The following ACBD5 variants were observed in gnomAD, a reference collection of about 807,000 sequenced individuals.
ACBD5 encodes acyl-CoA binding domain containing 5, also known as acyl-CoA-binding domain-containing protein 5.
Under a neutral mutation model 71.8 loss-of-function variants are expected in ACBD5, and 40 were observed. The observed-to-expected ratio is 0.56, with a 90% CI of 0.43 to 0.72. The LOEUF (loss-of-function observed/expected upper bound fraction) is 0.72, where lower values mean the gene tolerates loss of function less well. Ranked by LOEUF, ACBD5 falls within the 30% of genes least tolerant of loss-of-function variation. ACBD5 has a pLI of 0.00. For missense variants in ACBD5, 559 were observed against 644.5 expected (o/e 0.87, Z 1.44); for synonymous variants, 229 against 218.6 (o/e 1.05, Z -0.42).
At position 27,205,197 on chromosome 10, in the gene ACBD5, C is replaced by A; in HGVS notation, c.1455+1G>T. ...TTTAAATTTTTTAAAAAATGTCTTACCTGTGAGGTGGGCTGAGGAGCAGTC... is the reference window on the plus strand; with the variant it reads ...TTTAAATTTTTTAAAAAATGTCTTAACTGTGAGGTGGGCTGAGGAGCAGTC... On this transcript the variant is annotated splice_donor_variant, in intron 11 of 12. Coordinates refer to ENST00000396271, the MANE Select transcript of ACBD5 (RefSeq NM_145698.5). LOFTEE classifies it high-confidence loss of function. 6.2e-7 allele frequency: 1 copy of A among 1,611,154 alleles called. No individual in the cohort carries two copies. Among genetic ancestry groups the A allele is most frequent in the Non-Finnish European group, 8.5e-7 (1 of 1,178,248 alleles).
At chr10:27,227,541 T>TTTAAC (rs10643341) in intron 4 of ACBD5, among the ~76,000 whole-genome samples, 5,264 of 152,154 alleles carry the variant, frequency 0.035, 230 homozygotes, top group East Asian at 0.11. Context: ...TATCACTCAC[T>TTTAAC]TTAAGAAACT....
chr10:27,198,394 A>G (rs1042836350), intron 12 of ACBD5, among the ~76,000 whole-genome samples: 1 of 152,222 alleles, frequency 6.6e-6, no homozygotes, highest in Non-Finnish European at 1.5e-5. Flanking sequence ...TCTAAAATCT[A>G]CAAACCCTCC....
rs763890462 is a variant in ACBD5, at chr10:27,240,509, A to T, written c.16-25T>A. The T allele has an allele frequency of 1.9e-6, 3 of 1,580,820 alleles. No individual in the cohort carries two copies. The African/African-American group carries it at 4.0e-5, about 21-fold the overall frequency. ...ACTGGAACATGGAGCGCAGCCGCGG[A>T]TCAACATGCCCCAAAAGGAGGAGGC... On this transcript the variant is annotated intron_variant, in intron 1 of 12. Transcript: ENST00000396271. This position sits in a 1 kb window ranked among gnomAD's most constrained non-coding sequence, Gnocchi z 4.1.
chr10:27,185,152 G>C (rs568295032), intron 13 of ACBD5, among the ~76,000 whole-genome samples: 7 of 152,302 alleles, frequency 4.6e-5, no homozygotes, highest in African/African-American at 1.7e-4. Flanking sequence ...AGGGAGAAGG[G>C]GGTGAGCTTC....
At chr10:27,211,797 C>T (rs1317227143) in intron 8 of ACBD5, among the ~76,000 whole-genome samples, 1 of 152,028 alleles carries the variant, frequency 6.6e-6, no homozygotes, top group Non-Finnish European at 1.5e-5. Flanking sequence ...AAAGAACCCA[C>T]CTAAGACATC....
At chr10:27,215,095 C>T (rs555388872) in intron 8 of ACBD5, among the ~76,000 whole-genome samples, 15 of 151,980 alleles carry the variant, frequency 9.9e-5, no homozygotes, top group East Asian at 3.9e-4. Context: ...ACCTAGGAGG[C>T]GGAGGTTGCA....
At chr10:27,211,247 A>T (rs2137073681) in intron 8 of ACBD5, among the ~76,000 whole-genome samples, 166 bp from the exon 9 acceptor site, 1 of 152,224 alleles carries the variant, frequency 6.6e-6, no homozygotes, top group East Asian at 1.9e-4. Context: ...GCTGCTTCCT[A>T]CCTGCAGGGA....
chr10:27,198,543 C>G (rs1187671302), intron 12 of ACBD5, among the ~76,000 whole-genome samples: 1 of 152,212 alleles, frequency 6.6e-6, no homozygotes, highest in Non-Finnish European at 1.5e-5. Context: ...CAGAAATCCT[C>G]TTATGTACAC....
intron 10 of ACBD5, among the ~76,000 whole-genome samples, chr10:27,205,750 G>A (rs994682520): frequency 6.6e-6 from 1 of 151,374 alleles, no homozygotes; most frequent in Admixed American, 6.6e-5. Flanking sequence ...GGCTGGTCTC[G>A]AACTCCCGAC....
chr10:27,190,326 A>ATGT (rs34095551), downstream of ACBD5, among the ~76,000 whole-genome samples: 90,822 of 151,670 alleles, frequency 0.6, 27,450 homozygotes, highest in Non-Finnish European at 0.64. Context: ...CCCCCATTAA[A>ATGT]TGTTAAACAA....
intron 2 of ACBD5, among the ~76,000 whole-genome samples, chr10:27,238,759 C>T (rs1332188598): frequency 6.6e-6 from 1 of 150,822 alleles, no homozygotes; most frequent in East Asian, 1.9e-4. Flanking sequence ...ATATTTGTTA[C>T]CTATAATTAT....
At position 27,195,447 on chromosome 10, in the gene ACBD5, T is replaced by G; in HGVS notation, c.*1983A>C. On this transcript the variant is annotated 3_prime_UTR_variant, in exon 13 of 13. Coordinates refer to ENST00000396271, the MANE Select transcript of ACBD5 (RefSeq NM_145698.5). ...GGATAGAAATGGTTATCCCTAGGAG[T>G]TAGTTATCCCAGACTGCTTGTAATG... 2.2e-6 allele frequency: 1 copy of G among 454,400 alleles called. No individual in the cohort carries two copies. The allele number at this position is 454,400 out of a possible 1,614,324, so 28.1% of individuals were successfully genotyped here. A position where few individuals can be genotyped will look rare whatever the true frequency, so the allele number is the denominator to read the frequency against.
downstream of ACBD5, among the ~76,000 whole-genome samples, chr10:27,193,093 C>T (rs2059145588): frequency 1.5e-5 from 2 of 133,032 alleles, no homozygotes; most frequent in South Asian, 2.9e-4. Context: ...TCCCTCCCTT[C>T]CTCTCTCTCT....
intron 4 of ACBD5, among the ~76,000 whole-genome samples, chr10:27,223,969 A>G (rs1229969754): frequency 6.6e-6 from 1 of 152,072 alleles, no homozygotes; most frequent in Non-Finnish European, 1.5e-5. Context: ...ACTCCTAGAA[A>G]AGCTTCAAGT....
intron 8 of ACBD5, among the ~76,000 whole-genome samples, chr10:27,211,700 A>AT (rs35704264): frequency 0.07 from 10,579 of 151,776 alleles, 693 homozygotes; most frequent in African/African-American, 0.17. Flanking sequence ...TACTACCTAA[A>AT]TTTTTTTTTA....
intron 3 of ACBD5, among the ~76,000 whole-genome samples, chr10:27,233,050 G>T (rs1427848600): frequency 6.6e-6 from 1 of 152,124 alleles, no homozygotes; most frequent in African/African-American, 2.4e-5. Context: ...AGAGAACTAA[G>T]AAATCTTAAA....
rs577714342 is a variant in ACBD5 at position 27,235,403 on chromosome 10, G to A, written c.182-191C>T. 2.2e-3 allele frequency among the ~76,000 whole-genome samples: 331 copies of A among 152,256 alleles called. 1 individual carries two copies. The highest frequency in any genetic ancestry group is 0.012 in the South Asian group (57 of 4,826). On this transcript the variant is annotated intron_variant, in intron 2 of 12. Transcript: ENST00000396271. The stretch of plus-strand genomic sequence containing the variant: ...TGCTTCTTTGATTTCAAAACACTCT[G>A]AGATTTTAAACTTTAATAGCAATGC...
upstream of ACBD5, among the ~76,000 whole-genome samples, chr10:27,241,546 C>A (rs2065494013): frequency 1.3e-5 from 2 of 152,064 alleles, no homozygotes; most frequent in Admixed American, 6.6e-5. Context: ...GGGAGCCAGG[C>A]ACCTCCAGCG....
At chr10:27,241,917 C>A, upstream of ACBD5, 1 of 396,164 alleles carries the variant, frequency 2.5e-6, no homozygotes, top group Non-Finnish European at 5.2e-6. Context: ...GGGTGGAGTC[C>A]TGTAGCCCGG....
Sources: allele counts gnomAD v4.1 joint callset (sites outside exome capture counted in the v4.1 genomes callset), GRCh38; gene constraint gnomAD v4.1.1; non-coding constraint Gnocchi (gnomAD v3.1); transcripts MANE v1.5; gene names NCBI Gene and HGNC (gene_info 2026-07-23, HGNC 2026-07-21).